MYO19: variants seen among roughly 807,000 people sequenced by gnomAD.
MYO19 encodes unconventional myosin-XIX.
A neutral mutation model predicts 129.2 loss-of-function variants in MYO19; 132 were observed. The observed-to-expected ratio is 1.02, with a 90% confidence interval of 0.89 to 1.18. The LOEUF is 1.18. Ranked by LOEUF, MYO19 falls within the 50% of genes most tolerant of loss-of-function variation. The pLI is 0.00. For synonymous variants in MYO19, 531 were observed against 477.2 expected (o/e 1.11, Z -1.47); for missense variants, 1,210 against 1,216.7 (o/e 0.99, Z 0.08).
At chr17:36,538,234 TTGC>T (rs1186904905), upstream of MYO19, 1 of 1,613,100 alleles carries the variant, frequency 6.2e-7, no homozygotes, top group Non-Finnish European at 8.5e-7. Flanking sequence ...ATTTGGATAG[TTGC>T]TTCTAGCCTG....
intron 17 of MYO19, 125 bp downstream of exon 17, chr17:36,506,838 G>A: frequency 1.6e-6 from 2 of 1,263,332 alleles, no homozygotes; most frequent in Non-Finnish European, 2.1e-6. Flanking sequence ...CCAAGATGGT[G>A]ATTCTGGATT....
intron 3 of MYO19, among the ~76,000 whole-genome samples, chr17:36,528,590 C>T (rs1161372331): frequency 6.6e-6 from 1 of 151,822 alleles, no homozygotes; most frequent in Admixed American, 6.6e-5. Context: ...AGGGTGGGAA[C>T]CTGTATAGTA....
In MYO19 at chr17:36,510,895, CGA is replaced by C. The variant is rs2072277238; in HGVS notation, c.1006_1007del (p.Ser336AlafsTer16). The C allele has an allele frequency of 6.3e-7, 1 of 1,579,418 alleles. No homozygotes were observed. Among genetic ancestry groups the C allele is most frequent in the Admixed American group, 1.8e-5 (1 of 55,226 alleles). On this transcript the variant is annotated frameshift_variant, in exon 13 of 26. Coordinates refer to ENST00000614623, the MANE Select transcript of MYO19 (RefSeq NM_001163735.2). LOFTEE classifies it high-confidence loss of function. ...DAKYSVRTAASLLGLPEDVLL... is the reference protein window; with the variant it reads ...DAKYSVRTAAXLLGLPEDVLL... ...GCACGTCCTCTGGGAGCCCCAGCAG[CGA>C]GGCTGCCGTCCTGACAGAGTCTGGG...
chr17:36,510,233 A>G (rs1251768101), intron 13 of MYO19, among the ~76,000 whole-genome samples: 1 of 152,212 alleles, frequency 6.6e-6, no homozygotes, highest in African/African-American at 2.4e-5. Flanking sequence ...GGGTGGAGGT[A>G]CCCACGTAAT....
intron 25 of MYO19, among the ~76,000 whole-genome samples, chr17:36,497,135 G>A (rs1319076535): frequency 6.6e-6 from 1 of 151,580 alleles, no homozygotes; most frequent in African/African-American, 2.4e-5. Context: ...TTTGAGACCA[G>A]CCTGGCCAAT....
At chr17:36,518,536 ATATATATATATATATATG>A (rs1407695256) in intron 6 of MYO19, among the ~76,000 whole-genome samples, 3 of 97,254 alleles carry the variant, frequency 3.1e-5, no homozygotes, top group Non-Finnish European at 4.2e-5. Flanking sequence ...AAATATATAT[ATATATATATATATATATG>A]TGTATGTGTA....
At chr17:36,537,674 G>A, upstream of MYO19, 1 of 1,614,090 alleles carries the variant, frequency 6.2e-7, no homozygotes, top group Non-Finnish European at 8.5e-7. Context: ...GAAAATATAT[G>A]GAAGGGTCCA....
rs759589540 is a variant in MYO19, at chr17:36,515,196, CTA to C, written c.548-16_548-15del. 9.3e-6 allele frequency: 15 copies of C among 1,610,106 alleles called. No homozygotes were observed. Among genetic ancestry groups the C allele is most frequent in the African/African-American group, 1.3e-5 (1 of 74,888 alleles). On this transcript the variant is annotated splice_polypyrimidine_tract_variant and intron_variant, in intron 7 of 25. Coordinates refer to ENST00000614623, the MANE Select transcript of MYO19 (RefSeq NM_001163735.2). ...TACACGCATTCCCTACAGATCACACCTATGTTTATTTCACTCCCCTGGGTTTG... is the reference window on the plus strand; with the variant it reads ...TACACGCATTCCCTACAGATCACACCTGTTTATTTCACTCCCCTGGGTTTG...
At chr17:36,515,218 G>A (rs1324057704) in intron 7 of MYO19, 36 bp from the exon 8 acceptor site, 1 of 1,589,186 alleles carries the variant, frequency 6.3e-7, no homozygotes, top group Non-Finnish European at 8.6e-7. Flanking sequence ...CACTCCCCTG[G>A]GTTTGCAGAG....
At position 36,507,001 on chromosome 17, in the gene MYO19, C is replaced by T. The variant is rs144719799; in HGVS notation, c.1606G>A (p.Val536Met). 5.0e-6 allele frequency: 8 copies of T among 1,611,438 alleles called. No individual in the cohort carries two copies. Among genetic ancestry groups the T allele is most frequent in the African/African-American group, 1.3e-5 (1 of 74,916 alleles). Residue 536 changes from valine to methionine, a missense_variant, in exon 17 of 26, where the codon GTG becomes ATG. Physicochemically the swap from Val to Met is conservative, Grantham distance 21. Coordinates refer to ENST00000614623, the MANE Select transcript of MYO19 (RefSeq NM_001163735.2). ...SFIVVHYAGP[V>M]RYHTAGLVEK... ...ACCAGGCCTGCTGTGTGGTACCGCA[C>T]AGGCCCCGCATAATGCACCACAATG...
chr17:36,538,257 A>G, upstream of MYO19: 3 of 1,613,356 alleles, frequency 1.9e-6, no homozygotes, highest in Non-Finnish European at 2.5e-6. Flanking sequence ...GATCCTTCTT[A>G]GTAGTTTATT....
upstream of MYO19, chr17:36,537,443 A>AAAATTCAG: frequency 1.2e-6 from 2 of 1,614,120 alleles, no homozygotes; most frequent in Non-Finnish European, 1.7e-6. Context: ...AAATCCTTGA[A>AAAATTCAG]AAATTCTTGA....
chr17:36,497,252 C>T (rs1016308090), intron 25 of MYO19, among the ~76,000 whole-genome samples: 6 of 151,460 alleles, frequency 4.0e-5, no homozygotes, highest in African/African-American at 4.9e-5. Flanking sequence ...GCAGGAGAAT[C>T]GCTTAAACCC....
chr17:36,519,639 C>CAAA lies in MYO19; in HGVS notation c.415-3652_415-3650dup, dbSNP rs11431632. ...TTATAGTGATTATCTTCTAAAGAGA[C>CAAA]AAAAAAAAAAAAAAGATTTTACATC... is the stretch of plus-strand genomic sequence containing the variant. On this transcript the variant is annotated intron_variant, in intron 6 of 25. Transcript: ENST00000614623. Among the ~76,000 whole-genome samples, 1,185 of 133,458 alleles carry CAAA rather than the reference C, an allele frequency of 8.9e-3. 14 individuals are homozygous for CAAA. The highest frequency in any genetic ancestry group is 0.03 in the African/African-American group (1,055 of 35,756). 87.6% of individuals were successfully genotyped at this position (133,458 alleles called of 152,430 possible).
intron 21 of MYO19, among the ~76,000 whole-genome samples, chr17:36,502,178 C>CT (rs1175602861): frequency 3.9e-5 from 6 of 152,182 alleles, no homozygotes; most frequent in Non-Finnish European, 8.8e-5. Context: ...TGTCCTTGGC[C>CT]TGTTCTCCCT....
In MYO19 at chr17:36,510,855, G is replaced by T; in HGVS notation, c.1048C>A (p.Gln350Lys). The change falls in exon 13 of 26, where the codon CAG becomes AAG. Residue 350 changes from glutamine to lysine, a missense_variant. Gln to Lys is a moderately conservative substitution (Grantham distance 53). Coordinates refer to ENST00000614623, the MANE Select transcript of MYO19 (RefSeq NM_001163735.2). Reference protein sequence around the residue: ...LPEDVLLEMVQIRTIRAGRQQ... With the variant: ...LPEDVLLEMVKIRTIRAGRQQ... The stretch of plus-strand genomic sequence containing the variant: ...CTGCCTGCCCTGATGGTTCTAATCT[G>T]CACCATCTCCAGCAGCACGTCCTCT... The T allele has an allele frequency of 1.3e-6, 2 of 1,582,114 alleles. No individual in the cohort carries two copies. Among genetic ancestry groups the T allele is most frequent in the South Asian group, 2.3e-5 (2 of 86,310 alleles).
At chr17:36,529,533 G>A (rs1415293996) in intron 3 of MYO19, among the ~76,000 whole-genome samples, 2 of 152,128 alleles carry the variant, frequency 1.3e-5, no homozygotes, top group African/African-American at 2.4e-5. Context: ...ATAGAAATAA[G>A]CCATGGTGGC....
At chr17:36,516,255 G>T (rs1411486753) in intron 6 of MYO19, among the ~76,000 whole-genome samples, 1 of 152,150 alleles carries the variant, frequency 6.6e-6, no homozygotes, top group East Asian at 1.9e-4. Context: ...TGCAAACTCT[G>T]CAAAGGTGTG....
intron 5 of MYO19, among the ~76,000 whole-genome samples, chr17:36,526,311 G>A (rs1056046296): frequency 6.6e-6 from 1 of 152,038 alleles, no homozygotes; most frequent in Non-Finnish European, 1.5e-5. Context: ...TGGTGCTTCA[G>A]ACTCTTCACA....
Sources: allele counts gnomAD v4.1 joint callset (sites outside exome capture counted in the v4.1 genomes callset), GRCh38; gene constraint gnomAD v4.1.1; transcripts MANE v1.5; gene names NCBI Gene and HGNC (gene_info 2026-07-23, HGNC 2026-07-21).